DPP10: variants seen among roughly 807,000 people sequenced by gnomAD.
The protein encoded by DPP10 is inactive dipeptidyl peptidase 10.
In DPP10, 33 loss-of-function variants were observed where a neutral mutation model predicts 120.9. The ratio of observed to expected loss-of-function variants is 0.27; its 90% confidence interval spans 0.21 to 0.37. DPP10 has a LOEUF of 0.37. Ranked by LOEUF, DPP10 falls within the 10% of genes least tolerant of loss-of-function variation. The pLI is 1.00. For synonymous variants in DPP10, 337 were observed against 326.1 expected (o/e 1.03, Z -0.36); for missense variants, 816 against 942.8 (o/e 0.87, Z 1.76).
chr2:115,494,296 C>G (rs2076280195), intron 3 of DPP10, among the ~76,000 whole-genome samples: 1 of 151,990 alleles, frequency 6.6e-6, no homozygotes, highest in Admixed American at 6.6e-5. Flanking sequence ...TATTTAAGAG[C>G]TTAGAGCGCA....
chr2:115,556,646 T>C (rs1198318433), intron 5 of DPP10, among the ~76,000 whole-genome samples: 1 of 152,120 alleles, frequency 6.6e-6, no homozygotes, highest in East Asian at 1.9e-4. Context: ...AAGCACCCGT[T>C]CTATGCATTA....
intron 1 of DPP10, among the ~76,000 whole-genome samples, chr2:114,561,470 GACACACC>G (rs1688759817): frequency 1.3e-5 from 2 of 151,646 alleles, no homozygotes; most frequent in African/African-American, 4.8e-5. Flanking sequence ...ATACACACAC[GACACACC>G]ACAAATACAT....
intron 1 of DPP10, among the ~76,000 whole-genome samples, chr2:114,764,483 A>G (rs1680547850): frequency 6.6e-6 from 1 of 152,030 alleles, no homozygotes; most frequent in Non-Finnish European, 1.5e-5. Context: ...AATTTCCTCA[A>G]GTCTCTACCA....
intron 1 of DPP10, among the ~76,000 whole-genome samples, chr2:114,849,340 T>C (rs762305452): frequency 6.6e-6 from 1 of 152,042 alleles, no homozygotes; most frequent in Non-Finnish European, 1.5e-5. Flanking sequence ...GCTATATATA[T>C]ATTTTTTTAA....
intron 5 of DPP10, among the ~76,000 whole-genome samples, chr2:115,598,933 C>T (rs890920620): frequency 1.3e-5 from 2 of 151,278 alleles, no homozygotes; most frequent in African/African-American, 2.4e-5. Context: ...ACGTCTCACT[C>T]ATTTTAAATT....
chr2:114,811,982 CG>C (rs1487308562), intron 1 of DPP10, among the ~76,000 whole-genome samples: 1 of 152,120 alleles, frequency 6.6e-6, no homozygotes, highest in Non-Finnish European at 1.5e-5. Context: ...AGGAATGGTT[CG>C]GGGCACTGCT....
chr2:115,255,831 G>A (rs1400816950), intron 1 of DPP10, among the ~76,000 whole-genome samples: 1 of 152,132 alleles, frequency 6.6e-6, no homozygotes, highest in Non-Finnish European at 1.5e-5. Context: ...CATTCAACAA[G>A]TCTCTAGAAA....
chr2:115,173,809 C>T (rs1018883968), intron 1 of DPP10, among the ~76,000 whole-genome samples: 1 of 152,170 alleles, frequency 6.6e-6, no homozygotes, highest in African/African-American at 2.4e-5. Context: ...AGGAATCTTA[C>T]AACCGACTAT....
intron 9 of DPP10, among the ~76,000 whole-genome samples, chr2:115,740,232 T>G (rs1286300779): frequency 6.6e-6 from 1 of 152,046 alleles, no homozygotes; most frequent in Admixed American, 6.6e-5. Flanking sequence ...GCCTATTCCA[T>G]AATAGGTGTT....
chr2:115,264,513 A>ACAAGGT (rs1215020039), intron 1 of DPP10, among the ~76,000 whole-genome samples: 4 of 152,238 alleles, frequency 2.6e-5, no homozygotes, highest in Non-Finnish European at 5.9e-5. Context: ...GAAGCAAGTC[A>ACAAGGT]CAAGGTCAAG....
intron 1 of DPP10, among the ~76,000 whole-genome samples, chr2:114,565,887 T>G (rs1689160351): frequency 6.6e-6 from 1 of 152,240 alleles, no homozygotes; most frequent in African/African-American, 2.4e-5. Context: ...ATTCATTCAT[T>G]CATTCATTCA....
At chr2:114,754,141 G>C (rs928494108) in intron 1 of DPP10, among the ~76,000 whole-genome samples, 5 of 152,086 alleles carry the variant, frequency 3.3e-5, no homozygotes, top group Non-Finnish European at 7.4e-5. Flanking sequence ...GGAAATCTGT[G>C]GCTTTGGTTG....
At chr2:115,004,553 C>A (rs556540387) in intron 1 of DPP10, among the ~76,000 whole-genome samples, 1 of 152,100 alleles carries the variant, frequency 6.6e-6, no homozygotes, top group Admixed American at 6.5e-5. Context: ...TTGCCTCACT[C>A]GGGAAGCGCA....
At chr2:114,575,724 TG>T (rs1689998408) in intron 1 of DPP10, among the ~76,000 whole-genome samples, 5 of 152,196 alleles carry the variant, frequency 3.3e-5, no homozygotes. Context: ...ACCACAAATT[TG>T]GGGTGGTAGT....
intron 1 of DPP10, among the ~76,000 whole-genome samples, chr2:114,942,320 T>C (rs13417880): frequency 0.28 from 34,241 of 123,896 alleles, 4,870 homozygotes; most frequent in East Asian, 0.44. Context: ...TATATATATA[T>C]ACACACACAT....
intron 3 of DPP10, among the ~76,000 whole-genome samples, chr2:115,416,596 T>G (rs2069453613): frequency 6.6e-6 from 1 of 152,180 alleles, no homozygotes. Context: ...TAAATTAAGC[T>G]TATACTGAAG....
rs546229740 is a variant in DPP10 at position 115,774,618 on chromosome 2, G to A, written c.1222-2590G>A. On this transcript the variant is annotated intron_variant, in intron 13 of 25. Transcript: ENST00000410059. Reference sequence around the variant, plus strand: ...ACAAATACTTGTAAATCAGTAGTACGTCAGATAGTATACAAAGAAGTTGAT... The same window carrying A: ...ACAAATACTTGTAAATCAGTAGTACATCAGATAGTATACAAAGAAGTTGAT... Among the ~76,000 whole-genome samples the A allele has an allele frequency of 1.2e-4, 18 of 152,174 alleles. 1 individual carries two copies. The East Asian group carries it at 2.5e-3, about 21-fold the overall frequency.
At chr2:115,112,462 A>G (rs1457403359) in intron 1 of DPP10, among the ~76,000 whole-genome samples, 3 of 152,184 alleles carry the variant, frequency 2.0e-5, no homozygotes, top group Non-Finnish European at 4.4e-5. Flanking sequence ...ATCATGTACA[A>G]CAAGTTGCTT....
chr2:115,706,926 G>A (rs560775328), intron 7 of DPP10, among the ~76,000 whole-genome samples: 44 of 151,984 alleles, frequency 2.9e-4, no homozygotes, highest in Non-Finnish European at 6.0e-4. Context: ...TTCAAGTGGT[G>A]TGGTAGAGGA....
Sources: gnomAD v4.1 joint callset for allele counts (sites outside exome capture counted in the v4.1 genomes callset) on GRCh38, gnomAD v4.1.1 for gene constraint, MANE v1.5 for transcripts, NCBI Gene and HGNC (gene_info 2026-07-23, HGNC 2026-07-21) for gene names.